MRPS9: variants seen among roughly 807,000 people sequenced by gnomAD.
MRPS9 encodes small ribosomal subunit protein uS9m.
A neutral mutation model predicts 59.9 loss-of-function variants in MRPS9; 45 were observed. The ratio of observed to expected loss-of-function variants is 0.75; its 90% CI spans 0.59 to 0.96. The LOEUF (loss-of-function observed/expected upper bound fraction) is 0.96. Ranked by LOEUF, MRPS9 falls within the 40% of genes least tolerant of loss-of-function variation. The probability of loss-of-function intolerance (pLI) is 0.00; values close to 1 mark genes in which losing one functional copy is unlikely to be tolerated. For synonymous variants in MRPS9, 171 were observed against 166.8 expected (o/e 1.03, Z -0.19); for missense variants, 473 against 481.1 (o/e 0.98, Z 0.16).
chr2:105,070,584 G>C (rs1680094566), intron 2 of MRPS9, among the ~76,000 whole-genome samples: 1 of 152,150 alleles, frequency 6.6e-6, no homozygotes. Flanking sequence ...TGTGAGGCGG[G>C]GCATTGGAGA....
At chr2:105,093,442 T>C in intron 8 of MRPS9, 88 bp from the exon 9 acceptor site, 1 of 702,648 alleles carries the variant, frequency 1.4e-6, no homozygotes, top group Non-Finnish European at 2.4e-6. Flanking sequence ...GTGTATTATT[T>C]TGGGGAAACA....
chr2:105,060,998 C>G (rs13392642), intron 2 of MRPS9, among the ~76,000 whole-genome samples: 1 of 147,894 alleles, frequency 6.8e-6, no homozygotes, highest in African/African-American at 2.5e-5. Flanking sequence ...GTAGTCCCAG[C>G]TACTCAGGAC....
chr2:105,055,570 T>G (rs1360921056), intron 2 of MRPS9, among the ~76,000 whole-genome samples: 3 of 150,366 alleles, frequency 2.0e-5, no homozygotes, highest in African/African-American at 7.4e-5. Context: ...GGTATTGCAT[T>G]TTATTAAATA....
At chr2:105,055,664 A>G (rs1407754665) in intron 2 of MRPS9, among the ~76,000 whole-genome samples, 1 of 152,158 alleles carries the variant, frequency 6.6e-6, no homozygotes, top group East Asian at 1.9e-4. Flanking sequence ...TGTAAAAGCA[A>G]AAGAGGACAG....
rs757052118 is a variant in MRPS9, at chr2:105,071,462, C to G, written c.382C>G (p.Pro128Ala). 8.3e-5 allele frequency: 133 copies of G among 1,603,950 alleles called. 4 individuals carry two copies. The South Asian group carries it at 1.5e-3, about 18-fold the overall frequency. Residue 128 changes from proline (P) to alanine (A), a missense_variant, in exon 4 of 11, where the codon CCT becomes GCT. Transcript: ENST00000258455. ...ACATTATTAATTTATTTTACAGCAT[C>G]CTGAACAGATTTTTCCAAGACAAAG... ...EKRARPVMKH[P>A]EQIFPRQRAI... is the part of the protein sequence containing the mutation.
chr2:105,078,141 C>CTTTTTTTTTTT (rs11421327), intron 4 of MRPS9, among the ~76,000 whole-genome samples: 2 of 127,118 alleles, frequency 1.6e-5, no homozygotes, highest in African/African-American at 6.0e-5. Context: ...AATTCTAAGA[C>CTTTTTTTTTTT]TTTTTTTTTT....
At chr2:105,041,528 GT>G (rs35362832) in intron 1 of MRPS9, among the ~76,000 whole-genome samples, 71,600 of 146,180 alleles carry the variant, frequency 0.49, 17,101 homozygotes, top group East Asian at 0.66. Context: ...TAAAGTATCT[GT>G]TTTTTTTTTT....
intron 10 of MRPS9, 40 bp downstream of exon 10, chr2:105,097,364 G>A: frequency 1.4e-6 from 2 of 1,466,406 alleles, no homozygotes; most frequent in Non-Finnish European, 1.8e-6. Context: ...GCCCAATACT[G>A]GCTATACATG....
At chr2:105,060,511 C>T (rs1292173155) in intron 2 of MRPS9, among the ~76,000 whole-genome samples, 2 of 152,164 alleles carry the variant, frequency 1.3e-5, no homozygotes, top group Non-Finnish European at 2.9e-5. Flanking sequence ...GAACACTTGA[C>T]CTCAAGTGAT....
At chr2:105,043,363 C>T (rs960536482) in intron 1 of MRPS9, among the ~76,000 whole-genome samples, 2 of 152,140 alleles carry the variant, frequency 1.3e-5, no homozygotes, top group Non-Finnish European at 1.5e-5. Context: ...CCAGTTTCCC[C>T]AGGAGGAATT....
At chr2:105,059,881 A>T (rs1679863471) in intron 2 of MRPS9, among the ~76,000 whole-genome samples, 1 of 152,118 alleles carries the variant, frequency 6.6e-6, no homozygotes, top group African/African-American at 2.4e-5. Flanking sequence ...GGTTAACATT[A>T]ACAGAGAGTC....
intron 5 of MRPS9, among the ~76,000 whole-genome samples, chr2:105,083,177 G>A (rs1381074717): frequency 6.6e-6 from 1 of 152,210 alleles, no homozygotes; most frequent in East Asian, 1.9e-4. Context: ...AAACAATTGA[G>A]CAAAGGTGTG....
intron 5 of MRPS9, among the ~76,000 whole-genome samples, chr2:105,085,117 T>C (rs1266256510): frequency 6.6e-6 from 1 of 152,182 alleles, no homozygotes; most frequent in Non-Finnish European, 1.5e-5. Context: ...GTATGTTGAA[T>C]GGCATTTACA....
rs183704839 is a variant in MRPS9 at position 105,049,142 on chromosome 2, C to A, written c.136-29C>A. On this transcript the variant is annotated intron_variant, in intron 1 of 10. Transcript: ENST00000258455. ...AGAAGATCACAGTTTAATTTATTTT[C>A]TTTTCTTTCCATCTATATTTTCTGT... 8.0e-4 allele frequency: 1,130 copies of A among 1,412,284 alleles called. 11 individuals are homozygous for A. In the African/African-American group the frequency reaches 0.014, roughly 18 times the overall value. 87.5% of individuals were successfully genotyped at this position (1,412,284 alleles called of 1,614,324 possible). A position where few individuals can be genotyped will look rare whatever the true frequency, so the allele number is the denominator to read the frequency against.
At chr2:105,062,155 CTCTG>C (rs765873470) in intron 2 of MRPS9, among the ~76,000 whole-genome samples, 47 of 152,228 alleles carry the variant, frequency 3.1e-4, no homozygotes, top group South Asian at 4.1e-4. Flanking sequence ...CACACACTCT[CTCTG>C]TCTGTCTTTC....
chr2:105,095,493 T>C (rs529903994), intron 9 of MRPS9, among the ~76,000 whole-genome samples: 3 of 151,332 alleles, frequency 2.0e-5, no homozygotes, highest in South Asian at 2.1e-4. Flanking sequence ...GTACATTTTT[T>C]TTTTCTTTTT....
intron 5 of MRPS9, among the ~76,000 whole-genome samples, chr2:105,080,911 G>GA (rs561755308): frequency 1.5e-3 from 216 of 139,648 alleles, no homozygotes; most frequent in African/African-American, 4.6e-3. Flanking sequence ...TTTCTTGGGG[G>GA]AAAAAAAAAA....
chr2:105,081,874 A>T (rs1248597054), intron 5 of MRPS9, among the ~76,000 whole-genome samples: 1 of 152,218 alleles, frequency 6.6e-6, no homozygotes. Context: ...TATGTATAGC[A>T]GGTGTCATTA....
At chr2:105,086,245 T>C (rs1196192807) in intron 5 of MRPS9, among the ~76,000 whole-genome samples, 1 of 152,198 alleles carries the variant, frequency 6.6e-6, no homozygotes, top group African/African-American at 2.4e-5. Context: ...TGTGATTTGA[T>C]GGGTTACAAT....
Sources: allele counts gnomAD v4.1 joint callset (sites outside exome capture counted in the v4.1 genomes callset), GRCh38; gene constraint gnomAD v4.1.1; transcripts MANE v1.5; gene names NCBI Gene and HGNC (gene_info 2026-07-23, HGNC 2026-07-21).